TBC1D5: variants seen among roughly 807,000 people sequenced by gnomAD.
TBC1D5 encodes the protein TBC1 domain family, member 5.
Under a neutral mutation model 100.3 loss-of-function variants are expected in TBC1D5, and 75 were observed. That is an observed-to-expected ratio of 0.75 (90% CI 0.62 to 0.91). The LOEUF (loss-of-function observed/expected upper bound fraction) is 0.91. Ranked by LOEUF, TBC1D5 falls within the 40% of genes least tolerant of loss-of-function variation. TBC1D5 has a pLI of 0.00. For synonymous variants in TBC1D5, 323 were observed against 325.6 expected (o/e 0.99, Z 0.09); for missense variants, 910 against 942.4 (o/e 0.97, Z 0.45).
At chr3:17,229,792 C>A (rs2075258379) in intron 17 of TBC1D5, among the ~76,000 whole-genome samples, 1 of 152,158 alleles carries the variant, frequency 6.6e-6, no homozygotes, top group Admixed American at 6.5e-5. Flanking sequence ...AACTGTACCA[C>A]CCTCCCCATC....
chr3:17,532,887 A>G (rs2096245249), intron 2 of TBC1D5, among the ~76,000 whole-genome samples: 1 of 151,974 alleles, frequency 6.6e-6, no homozygotes, highest in Non-Finnish European at 1.5e-5. Context: ...GCGAATACTA[A>G]ATGAGGAGTT....
intron 13 of TBC1D5, among the ~76,000 whole-genome samples, chr3:17,371,068 TACACACACAC>T (rs111820681): frequency 3.8e-4 from 55 of 146,494 alleles, no homozygotes; most frequent in East Asian, 2.8e-3. Context: ...ACTGAAAAAA[TACACACACAC>T]ACACACACAC....
intron 8 of TBC1D5, among the ~76,000 whole-genome samples, chr3:17,388,638 C>A (rs1362470039): frequency 7.0e-6 from 1 of 143,502 alleles, no homozygotes; most frequent in African/African-American, 2.6e-5. Flanking sequence ...CCCTTGAGCC[C>A]AGGGGTTTGA....
At chr3:17,207,804 A>G (rs1218815384) in intron 18 of TBC1D5, among the ~76,000 whole-genome samples, 1 of 152,256 alleles carries the variant, frequency 6.6e-6, no homozygotes, top group Non-Finnish European at 1.5e-5. Flanking sequence ...ATTTTACTGT[A>G]CTTAGACTGA....
At chr3:17,167,057 T>A in intron 20 of TBC1D5, 129 bp from the exon 22 acceptor site, 1 of 912,048 alleles carries the variant, frequency 1.1e-6, no homozygotes, top group Non-Finnish European at 1.5e-6. Context: ...TATTAATATT[T>A]TACTATAAGA....
At position 17,376,524 on chromosome 3, in the gene TBC1D5, C is replaced by T. The variant is rs1269709861; in HGVS notation, c.701+1G>A. The stretch of plus-strand genomic sequence containing the variant: ...GAGCTCATATTAAAAAAAAAACTTG[C>T]CTGGGCTGTGCAGACTCACTGGCAT... On this transcript the variant is annotated splice_donor_variant, in intron 10 of 21. Transcript: ENST00000253692. LOFTEE classifies it high-confidence loss of function. 6.2e-7 allele frequency: 1 copy of T among 1,602,504 alleles called. No individual in the cohort carries two copies. Among genetic ancestry groups the T allele is most frequent in the Non-Finnish European group, 8.5e-7 (1 of 1,176,416 alleles).
At chr3:17,275,341 C>G (rs1485735275) in intron 15 of TBC1D5, among the ~76,000 whole-genome samples, 1 of 151,988 alleles carries the variant, frequency 6.6e-6, no homozygotes, top group Non-Finnish European at 1.5e-5. Context: ...CAGTTTGAGA[C>G]CTGCCTAAGA....
intron 1 of TBC1D5, among the ~76,000 whole-genome samples, chr3:17,733,388 C>G (rs2076719061): frequency 6.6e-6 from 1 of 152,176 alleles, no homozygotes; most frequent in Non-Finnish European, 1.5e-5. Context: ...TGATTTTGCA[C>G]AGTCTGAGCT....
Position 17,421,742 on chromosome 3 carries a change from A to T in TBC1D5, c.167+6708T>A, listed in dbSNP as rs148358155. 3.1e-3 allele frequency among the ~76,000 whole-genome samples: 465 copies of T among 152,342 alleles called. 4 individuals are homozygous for T. The highest frequency in any genetic ancestry group is 0.01 in the African/African-American group (424 of 41,584). On this transcript the variant is annotated intron_variant, in intron 4 of 21. Coordinates refer to ENST00000253692, the Ensembl canonical transcript of TBC1D5. ...TTCATTTTTATAGATGAGGTAATTA[A>T]GAATCAGAGAGGTTAATTACTTTGC... is the stretch of plus-strand genomic sequence containing the variant.
chr3:17,423,348 C>T (rs1486910936), intron 4 of TBC1D5, among the ~76,000 whole-genome samples: 1 of 151,792 alleles, frequency 6.6e-6, no homozygotes. Flanking sequence ...ATAAGTATTC[C>T]AGTCTATAAA....
upstream of TBC1D5, among the ~76,000 whole-genome samples, chr3:17,741,778 G>A (rs936838827): frequency 1.3e-5 from 2 of 150,068 alleles, no homozygotes; most frequent in East Asian, 3.9e-4. Flanking sequence ...GGGGTGGGGA[G>A]CGGGATTTGC....
intron 17 of TBC1D5, among the ~76,000 whole-genome samples, chr3:17,235,526 CT>C (rs1276831210): frequency 2.0e-5 from 3 of 152,190 alleles, no homozygotes; most frequent in African/African-American, 7.2e-5. Flanking sequence ...AGGTGATATG[CT>C]TGCAGCTTTC....
At chr3:17,258,033 C>T (rs1229832791) in intron 16 of TBC1D5, among the ~76,000 whole-genome samples, 1 of 152,054 alleles carries the variant, frequency 6.6e-6, no homozygotes, top group Non-Finnish European at 1.5e-5. Context: ...GTTTTTTATT[C>T]CTACAGTGAC....
intron 18 of TBC1D5, among the ~76,000 whole-genome samples, chr3:17,186,746 T>TAAAAAAAAAAAAAAAAAAAAAAAA (rs1302354970): frequency 1.2e-5 from 1 of 83,134 alleles, no homozygotes; most frequent in Non-Finnish European, 2.5e-5. Context: ...AAAAAAAAAT[T>TAAAAAAAAAAAAAAAAAAAAAAAA]AAAAAAAGAA....
chr3:17,497,091 C>CTG (rs1405714534), intron 3 of TBC1D5, among the ~76,000 whole-genome samples: 10 of 24,984 alleles, frequency 4.0e-4, no homozygotes, highest in East Asian at 1.8e-3. Flanking sequence ...CTCTCTGACA[C>CTG]ACACACACAC....
intron 15 of TBC1D5, among the ~76,000 whole-genome samples, chr3:17,264,445 T>C (rs981158413): frequency 6.6e-6 from 1 of 152,228 alleles, no homozygotes; most frequent in African/African-American, 2.4e-5. Context: ...GACTGGCTAT[T>C]TATAAATATT....
chr3:17,404,829 C>T, intron 6 of TBC1D5, 43 bp downstream of exon 6: 2 of 1,564,302 alleles, frequency 1.3e-6, no homozygotes, highest in African/African-American at 1.4e-5. Context: ...TTAAAGTGTA[C>T]ATAAGAAAAC....
At chr3:17,409,125 A>G (rs1312742741) in intron 4 of TBC1D5, among the ~76,000 whole-genome samples, 1 of 152,172 alleles carries the variant, frequency 6.6e-6, no homozygotes, top group East Asian at 1.9e-4. Flanking sequence ...ACTGCATTTT[A>G]ATAAACTGAA....
intron 2 of TBC1D5, among the ~76,000 whole-genome samples, chr3:17,563,767 T>C (rs1230762171): frequency 6.6e-6 from 1 of 151,920 alleles, no homozygotes; most frequent in African/African-American, 2.4e-5. Context: ...GTTGTTGTTT[T>C]TGTTTTTTGT....
Sources: allele counts gnomAD v4.1 joint callset (sites outside exome capture counted in the v4.1 genomes callset), GRCh38; gene constraint gnomAD v4.1.1; transcripts MANE v1.5; gene names NCBI Gene and HGNC (gene_info 2026-07-23, HGNC 2026-07-21).